IL1RN: variants seen among roughly 807,000 people sequenced by gnomAD.
IL1RN encodes interleukin-1 receptor antagonist protein.
IL1RN carries 10 observed loss-of-function variants against 13.7 expected under a neutral mutation model. That is an observed-to-expected ratio of 0.73 (90% CI 0.45 to 1.24). The LOEUF (loss-of-function observed/expected upper bound fraction) is 1.24. IL1RN is among the 50% of genes most tolerant of loss of function. The probability of loss-of-function intolerance (pLI) is 0.00; values close to 1 mark genes in which losing one functional copy is unlikely to be tolerated. For missense variants in IL1RN, 213 were observed against 222.1 expected (o/e 0.96, Z 0.26); for synonymous variants, 102 against 82.7 (o/e 1.23, Z -1.27).
chr2:113,108,425 A>G (rs1257726473), upstream of IL1RN, among the ~76,000 whole-genome samples: 1 of 150,304 alleles, frequency 6.7e-6, no homozygotes, highest in Non-Finnish European at 1.5e-5. Flanking sequence ...CCACCCCACA[A>G]CAGTCCCCAG....
upstream of IL1RN, among the ~76,000 whole-genome samples, chr2:113,106,851 G>A (rs1451099105): frequency 1.3e-5 from 2 of 151,980 alleles, no homozygotes; most frequent in African/African-American, 4.8e-5. Context: ...AAATTAAAAA[G>A]TGAGCAAGAA....
intron 2 of IL1RN, among the ~76,000 whole-genome samples, chr2:113,121,859 C>T (rs1686794190): frequency 1.3e-5 from 2 of 152,152 alleles, no homozygotes; most frequent in African/African-American, 4.8e-5. Flanking sequence ...ATTAACTTGG[C>T]TACTTGGCAG....
Position 113,131,124 on chromosome 2 carries a change from C to A in IL1RN, c.285C>A (p.Val95=). ...GAGGGAAGATGTGCCTGTCCTGTGT[C>A]AAGTCTGGTGATGAGACCAGACTCC... The part of the protein sequence containing the change: ...IHGGKMCLSC[V]KSGDETRLQL... Residue 95 remains valine, a synonymous_variant, in exon 3 of 4, where the codon GTC becomes GTA. Transcript: ENST00000409930. 1 of 1,613,076 alleles carries A rather than the reference C, an allele frequency of 6.2e-7. No homozygotes were observed. Among genetic ancestry groups the A allele is most frequent in the South Asian group, 1.1e-5 (1 of 91,062 alleles).
At chr2:113,105,523 T>C (rs1686374373), upstream of IL1RN, among the ~76,000 whole-genome samples, 2 of 152,228 alleles carry the variant, frequency 1.3e-5, no homozygotes, top group African/African-American at 4.8e-5. Flanking sequence ...GGTCATCCAA[T>C]CATGAGGCAC....
chr2:113,104,595 C>A (rs1158867508), upstream of IL1RN, among the ~76,000 whole-genome samples: 1 of 152,078 alleles, frequency 6.6e-6, no homozygotes, highest in African/African-American at 2.4e-5. Context: ...GCAGCTGGGG[C>A]GTTTTGGGAT....
chr2:113,122,343 T>G (rs1446439030), intron 2 of IL1RN, among the ~76,000 whole-genome samples: 1 of 151,952 alleles, frequency 6.6e-6, no homozygotes, highest in African/African-American at 2.4e-5. Context: ...AGGAGGGAGG[T>G]TGGAGCTGAG....
At position 113,118,286 on chromosome 2, in the gene IL1RN, C is replaced by A. The variant is rs568277878; in HGVS notation, c.10+258C>A. On this transcript the variant is annotated intron_variant, in intron 1 of 5. Transcript: ENST00000259206. Reference sequence around the variant, plus strand: ...GAACAGAGAGGTGTAACTGCTGTGACAGAAGTCATGGAGTCCTTGGAGTGT... The same window carrying A: ...GAACAGAGAGGTGTAACTGCTGTGAAAGAAGTCATGGAGTCCTTGGAGTGT... Among the ~76,000 whole-genome samples, 28 of 152,300 alleles carry A rather than the reference C, an allele frequency of 1.8e-4. No individual in the cohort carries two copies. The South Asian group carries it at 5.8e-3, about 32-fold the overall frequency.
At chr2:113,116,839 G>A (rs190245410), upstream of IL1RN, among the ~76,000 whole-genome samples, 117 of 152,318 alleles carry the variant, frequency 7.7e-4, 2 homozygotes, top group Non-Finnish European at 9.6e-4. Flanking sequence ...TATGTACTGC[G>A]TGTCATTCAT....
chr2:113,118,149 A>G, intron 1 of IL1RN: 3 of 1,493,922 alleles, frequency 2.0e-6, no homozygotes, highest in Non-Finnish European at 2.8e-6. Context: ...TGTCAAGCGC[A>G]TGGAGCTCCA....
chr2:113,123,317 C>T (rs1276369476), upstream of IL1RN, among the ~76,000 whole-genome samples: 12 of 152,210 alleles, frequency 7.9e-5, no homozygotes, highest in Non-Finnish European at 5.9e-5. Flanking sequence ...GAGCCCAGCA[C>T]TGGTGCCCTT....
chr2:113,124,245 CG>C (rs1233469892), upstream of IL1RN, among the ~76,000 whole-genome samples: 11 of 152,224 alleles, frequency 7.2e-5, no homozygotes, highest in African/African-American at 2.6e-4. Context: ...AAGCAGAACT[CG>C]GGGGGTGCTG....
upstream of IL1RN, among the ~76,000 whole-genome samples, chr2:113,106,113 T>A (rs1209675750): frequency 9.9e-5 from 15 of 152,214 alleles, no homozygotes. Flanking sequence ...TGTATTTTTA[T>A]TTTCTGTCTA....
upstream of IL1RN, among the ~76,000 whole-genome samples, chr2:113,125,826 T>C (rs1358162644): frequency 1.3e-5 from 2 of 152,204 alleles, no homozygotes; most frequent in African/African-American, 2.4e-5. Context: ...GGAGATGGAG[T>C]CTTACTCTGT....
intron 1 of IL1RN, among the ~76,000 whole-genome samples, chr2:113,119,116 A>C (rs1473296273): frequency 6.6e-6 from 1 of 152,180 alleles, no homozygotes. Context: ...TCTGGGTCTT[A>C]CTTTCCTTGC....
upstream of IL1RN, chr2:113,127,317 A>T: frequency 3.4e-6 from 1 of 290,708 alleles, no homozygotes; most frequent in Non-Finnish European, 5.1e-6. Context: ...CAGGAACAGT[A>T]GGGAGTTTGG....
chr2:113,127,771 G>T, intron 1 of IL1RN, 31 bp downstream of exon 1: 1 of 1,608,338 alleles, frequency 6.2e-7, no homozygotes, highest in South Asian at 1.1e-5. Context: ...AGAAGGTGAG[G>T]GTGGATCAGC....
At chr2:113,118,901 G>A (rs1302612213) in intron 1 of IL1RN, among the ~76,000 whole-genome samples, 3 of 152,154 alleles carry the variant, frequency 2.0e-5, no homozygotes, top group Non-Finnish European at 4.4e-5. Context: ...GCTGGGCATG[G>A]TGGTGCATGT....
upstream of IL1RN, among the ~76,000 whole-genome samples, chr2:113,108,552 T>C (rs1300689656): frequency 6.6e-6 from 1 of 152,122 alleles, no homozygotes. Context: ...TCCAGGATAA[T>C]CTCTTTATTT....
At chr2:113,118,673 G>A (rs529238537) in intron 1 of IL1RN, among the ~76,000 whole-genome samples, 3 of 152,326 alleles carry the variant, frequency 2.0e-5, no homozygotes, top group East Asian at 3.9e-4. Context: ...GTTAGGATTT[G>A]TGTGGGGCAA....
Sources: gnomAD v4.1 joint callset for allele counts (sites outside exome capture counted in the v4.1 genomes callset) on GRCh38, gnomAD v4.1.1 for gene constraint, MANE v1.5 for transcripts, NCBI Gene and HGNC (gene_info 2026-07-23, HGNC 2026-07-21) for gene names.